Variants in JAZF1 observed in about 807,000 individuals in gnomAD.
JAZF1 encodes juxtaposed with another zinc finger protein 1.
A neutral mutation model predicts 26.4 loss-of-function variants in JAZF1; 8 were observed. The ratio of observed to expected loss-of-function variants is 0.30; its 90% CI spans 0.18 to 0.55. The LOEUF (loss-of-function observed/expected upper bound fraction) is 0.55. JAZF1 is among the 20% of genes least tolerant of loss of function. The probability of loss-of-function intolerance (pLI) is 0.94; values close to 1 mark genes in which losing one functional copy is unlikely to be tolerated. For missense variants in JAZF1, 199 were observed against 322.0 expected (o/e 0.62, Z 2.92); for synonymous variants, 126 against 122.3 (o/e 1.03, Z -0.20).
intron 2 of JAZF1, among the ~76,000 whole-genome samples, chr7:27,953,126 T>C (rs1249305224): frequency 1.3e-5 from 2 of 152,218 alleles, no homozygotes; most frequent in Non-Finnish European, 2.9e-5. Flanking sequence ...AAACTCAAGT[T>C]TTTCCAGCTG....
chr7:27,870,984 T>G (rs977313967), intron 3 of JAZF1, among the ~76,000 whole-genome samples: 6 of 152,218 alleles, frequency 3.9e-5, no homozygotes, highest in Admixed American at 3.3e-4. Flanking sequence ...TGGGTTCATG[T>G]ACCCCCAGCC....
intron 2 of JAZF1, among the ~76,000 whole-genome samples, chr7:27,961,643 G>T (rs1583482196): frequency 6.6e-6 from 1 of 152,214 alleles, no homozygotes; most frequent in East Asian, 1.9e-4. Flanking sequence ...AAAGGGACAG[G>T]TTTTGCCAGA....
chr7:28,089,313 A>C (rs1220565195), intron 1 of JAZF1, among the ~76,000 whole-genome samples: 3 of 152,156 alleles, frequency 2.0e-5, no homozygotes, highest in Non-Finnish European at 4.4e-5. Flanking sequence ...AAGACAGCAA[A>C]ACCACAGCCA....
At chr7:27,874,971 G>T (rs1379762713) in intron 3 of JAZF1, among the ~76,000 whole-genome samples, 3 of 152,176 alleles carry the variant, frequency 2.0e-5, no homozygotes, top group African/African-American at 7.2e-5. Flanking sequence ...CTTGGAATTT[G>T]ACTTGCTAGA....
At chr7:28,113,343 G>T (rs117824893) in intron 1 of JAZF1, among the ~76,000 whole-genome samples, 1 of 152,062 alleles carries the variant, frequency 6.6e-6, no homozygotes, top group Non-Finnish European at 1.5e-5. Context: ...CACGTGTCCC[G>T]ACTCCTTTAC....
chr7:27,837,533 T>C (rs1382931942), intron 4 of JAZF1, among the ~76,000 whole-genome samples: 1 of 152,166 alleles, frequency 6.6e-6, no homozygotes, highest in Non-Finnish European at 1.5e-5. Context: ...CTGCGGGTTA[T>C]GGGAGCAGTA....
intron 2 of JAZF1, among the ~76,000 whole-genome samples, chr7:27,962,229 T>C (rs544780418): frequency 3.2e-4 from 49 of 152,278 alleles, no homozygotes; most frequent in African/African-American, 1.1e-3. Flanking sequence ...TACACATAGG[T>C]AAGAAGTATG....
chr7:27,916,848 C>T (rs553344754), intron 2 of JAZF1, among the ~76,000 whole-genome samples: 5 of 152,340 alleles, frequency 3.3e-5, no homozygotes, highest in East Asian at 1.9e-4. Context: ...CTGTCCATGT[C>T]GGTGAGTGAC....
chr7:28,154,060 G>C (rs1288671191), intron 1 of JAZF1, among the ~76,000 whole-genome samples: 1 of 152,140 alleles, frequency 6.6e-6, no homozygotes, highest in Non-Finnish European at 1.5e-5. Context: ...ATGGGATGAA[G>C]AGGTACACAT....
rs113127778 is a variant in JAZF1 at position 28,147,685 on chromosome 7, CA to C, written c.115+32777del. ...CAACACGGCAAAACCCCATCTCTAC[CA>C]AAAAAAAAAAAGTATATATACATAT... On this transcript the variant is annotated intron_variant, in intron 1 of 4. Coordinates refer to ENST00000283928, the MANE Select transcript of JAZF1 (RefSeq NM_175061.4). Among the ~76,000 whole-genome samples the C allele has an allele frequency of 3.3e-3, 416 of 126,890 alleles. 2 individuals are homozygous for C. Among genetic ancestry groups the C allele is most frequent in the African/African-American group, 7.9e-3 (282 of 35,506 alleles). 83.2% of individuals were successfully genotyped at this position (126,890 alleles called of 152,430 possible). A position where few individuals can be genotyped will look rare whatever the true frequency, so the allele number is the denominator to read the frequency against.
intron 1 of JAZF1, among the ~76,000 whole-genome samples, chr7:28,076,213 T>C (rs985318658): frequency 6.6e-6 from 1 of 152,252 alleles, no homozygotes; most frequent in African/African-American, 2.4e-5. Context: ...GCAGAGCACC[T>C]GGTCCAAATT....
chr7:27,875,917 T>G (rs1783670771), intron 3 of JAZF1, among the ~76,000 whole-genome samples: 1 of 152,254 alleles, frequency 6.6e-6, no homozygotes, highest in Non-Finnish European at 1.5e-5. Flanking sequence ...TCACATTTCC[T>G]ATATTTCCAG....
At chr7:28,004,277 C>T (rs1461244080) in intron 1 of JAZF1, among the ~76,000 whole-genome samples, 1 of 152,174 alleles carries the variant, frequency 6.6e-6, no homozygotes, top group East Asian at 1.9e-4. Context: ...AGGCTTAATA[C>T]CTGACGCCTA....
intron 3 of JAZF1, among the ~76,000 whole-genome samples, chr7:27,852,778 C>T (rs920320356): frequency 7.9e-5 from 12 of 152,212 alleles, no homozygotes; most frequent in African/African-American, 2.9e-4. Flanking sequence ...ACACTTTATA[C>T]TATCTTCCCC....
chr7:28,063,878 T>C (rs1268141033), intron 1 of JAZF1, among the ~76,000 whole-genome samples: 1 of 152,198 alleles, frequency 6.6e-6, no homozygotes. Context: ...TTCCAATCTA[T>C]ATGCATCTCT....
chr7:27,998,821 A>C (rs187497774), intron 1 of JAZF1, among the ~76,000 whole-genome samples: 1 of 152,374 alleles, frequency 6.6e-6, no homozygotes, highest in East Asian at 1.9e-4. Flanking sequence ...ACAATGTTCC[A>C]TAGCCTAGAT....
chr7:28,014,033 T>C (rs1782841519), intron 1 of JAZF1, among the ~76,000 whole-genome samples: 1 of 145,842 alleles, frequency 6.9e-6, no homozygotes, highest in South Asian at 2.1e-4. Context: ...GCTAGTTAAA[T>C]CAACTGAGGC....
intron 1 of JAZF1, among the ~76,000 whole-genome samples, chr7:28,010,858 G>C (rs1223870524): frequency 6.6e-6 from 1 of 152,222 alleles, no homozygotes; most frequent in Non-Finnish European, 1.5e-5. Context: ...CATGCCAGTA[G>C]GTCGTATTTT....
At chr7:28,047,297 A>T (rs996776664) in intron 1 of JAZF1, among the ~76,000 whole-genome samples, 4 of 152,124 alleles carry the variant, frequency 2.6e-5, no homozygotes. Context: ...TCTTCTTAAA[A>T]ATAGTTCTTT....
Sources: gnomAD v4.1 joint callset for allele counts (sites outside exome capture counted in the v4.1 genomes callset) on GRCh38, gnomAD v4.1.1 for gene constraint, MANE v1.5 for transcripts, NCBI Gene and HGNC (gene_info 2026-07-23, HGNC 2026-07-21) for gene names.